Variants in STAT4 observed in about 807,000 individuals in gnomAD.
STAT4 encodes the protein signal transducer and activator of transcription 4.
In STAT4, 42 loss-of-function variants were observed where a neutral mutation model predicts 110.5. That is an observed-to-expected ratio of 0.38 (90% confidence interval 0.30 to 0.49). STAT4 has a LOEUF of 0.49. Among genes scored for constraint, STAT4 ranks in the 20% least tolerant of loss-of-function variants. STAT4 has a pLI of 0.95. For missense variants in STAT4, 632 were observed against 887.9 expected (o/e 0.71, Z 3.66); for synonymous variants, 284 against 302.2 (o/e 0.94, Z 0.63).
rs1697644501 is a variant in STAT4 at position 191,086,688 on chromosome 2, T to C, written c.274-10363A>G. On this transcript the variant is annotated intron_variant, in intron 3 of 23. Transcript: ENST00000392320. This position sits in a 1 kb window ranked among gnomAD's most constrained non-coding sequence, Gnocchi z 5.5. The stretch of plus-strand genomic sequence containing the variant: ...TTTTTAGTATTTGCTACAATTTAGA[T>C]TGAGTTCTGAATTTTTCTCCTGGCT... Among the ~76,000 whole-genome samples the C allele has an allele frequency of 6.6e-6, 1 of 152,170 alleles. No homozygotes were observed. Among genetic ancestry groups the C allele is most frequent in the Non-Finnish European group, 1.5e-5 (1 of 68,018 alleles).
At chr2:191,094,917 C>CTAA in intron 3 of STAT4, among the ~76,000 whole-genome samples, 1 of 77,912 alleles carries the variant, frequency 1.3e-5, no homozygotes, top group South Asian at 5.0e-4. Context: ...AAATGGAAAG[C>CTAA]AAAAAAAAAA....
chr2:191,150,587 G>A lies in STAT4; in HGVS notation c.-2+360C>T, dbSNP rs1559090038. Among the ~76,000 whole-genome samples, 1 of 152,132 alleles carries A rather than the reference G, an allele frequency of 6.6e-6. No individual in the cohort carries two copies. Among genetic ancestry groups the A allele is most frequent in the East Asian group, 1.9e-4 (1 of 5,188 alleles). ...AAGCTTTTTTCTGAAATCCAGGTACGCTAATCTAAAGTCAGACATCACAGC... is the reference window on the plus strand; with the variant it reads ...AAGCTTTTTTCTGAAATCCAGGTACACTAATCTAAAGTCAGACATCACAGC... On this transcript the variant is annotated intron_variant, in intron 1 of 23. Transcript: ENST00000392320. This position sits in a 1 kb window ranked among gnomAD's most constrained non-coding sequence, Gnocchi z 6.4.
In STAT4 at chr2:191,054,249, G is replaced by T. The variant is rs556844867; in HGVS notation, c.1251+241C>A. Among the ~76,000 whole-genome samples the T allele has an allele frequency of 7.2e-5, 11 of 151,806 alleles. No homozygotes were observed. The East Asian group carries it at 1.9e-3, about 27-fold the overall frequency. Reference sequence around the variant, plus strand: ...TAGATAAATAAAAGACTGGAATGATGTATACCAAGATGTTAATAGTTATTT... The same window carrying T: ...TAGATAAATAAAAGACTGGAATGATTTATACCAAGATGTTAATAGTTATTT... On this transcript the variant is annotated intron_variant, in intron 14 of 23. Coordinates refer to ENST00000392320, the MANE Select transcript of STAT4 (RefSeq NM_003151.4).
At chr2:191,148,317 A>C (rs1699507672) in intron 1 of STAT4, 113 bp from the exon 2 acceptor site, 3 of 1,345,632 alleles carry the variant, frequency 2.2e-6, no homozygotes, top group Non-Finnish European at 3.0e-6. Context: ...AATATATCCA[A>C]GGATACAAAA....
chr2:191,051,791 C>A lies in STAT4; in HGVS notation c.1251+2699G>T, dbSNP rs1362686997. Among the ~76,000 whole-genome samples, 2 of 143,748 alleles carry A rather than the reference C, an allele frequency of 1.4e-5. No homozygotes were observed. Among genetic ancestry groups the A allele is most frequent in the South Asian group, 2.2e-4 (1 of 4,566 alleles). 94.3% of individuals were successfully genotyped at this position (143,748 alleles called of 152,430 possible). A position where few individuals can be genotyped will look rare whatever the true frequency, so the allele number is the denominator to read the frequency against. On this transcript the variant is annotated intron_variant, in intron 14 of 23. Coordinates refer to ENST00000392320, the MANE Select transcript of STAT4 (RefSeq NM_003151.4). This position sits in a 1 kb window ranked among gnomAD's most constrained non-coding sequence, Gnocchi z 5.6. ...GGGGCCAGGAGCAGGGACACGGGAT[C>A]AGACTGCCACGGTTTTATCTTGGCC...
At chr2:191,055,365 A>ATT (rs371295889) in intron 13 of STAT4, among the ~76,000 whole-genome samples, 36 of 96,924 alleles carry the variant, frequency 3.7e-4, no homozygotes, top group African/African-American at 1.4e-3. Context: ...AGCCTGGCTA[A>ATT]TTTTTTTTTT....
Position 191,147,751 on chromosome 2 carries a change from GA to G in STAT4, c.128+324del, listed in dbSNP as rs1699494949. Among the ~76,000 whole-genome samples the G allele has an allele frequency of 6.6e-6, 1 of 151,976 alleles. No homozygotes were observed. On this transcript the variant is annotated intron_variant, in intron 2 of 23. Transcript: ENST00000392320. The surrounding 1 kb of genome is among the most constrained non-coding windows in gnomAD (Gnocchi z 4.1). ...CTTTGAAGAGTATAAATCTTACTGA[GA>G]AAAAAATATTGATTTACATTGAGTC...
At chr2:191,129,566 G>A (rs993973275) in intron 3 of STAT4, among the ~76,000 whole-genome samples, 2 of 152,116 alleles carry the variant, frequency 1.3e-5, no homozygotes, top group Non-Finnish European at 2.9e-5. Flanking sequence ...TAAATCCATG[G>A]TAATAGAAAA....
At chr2:191,132,347 T>C (rs1360778843) in intron 3 of STAT4, among the ~76,000 whole-genome samples, 4 of 151,740 alleles carry the variant, frequency 2.6e-5, no homozygotes, top group South Asian at 2.1e-4. Flanking sequence ...TTATAGCAAG[T>C]CAGGGTGTCC....
In STAT4 at chr2:191,031,514, A is replaced by T; in HGVS notation, c.2047T>A (p.Ser683Thr). 1 of 1,612,818 alleles carries T rather than the reference A, an allele frequency of 6.2e-7. No individual in the cohort carries two copies. The highest frequency in any genetic ancestry group is 8.5e-7 in the Non-Finnish European group (1 of 1,179,432). The change falls in exon 22 of 24, where the codon TCA becomes ACA. Residue 683 changes from serine (S) to threonine (T), a missense_variant and splice_region_variant. Ser to Thr is a moderately conservative substitution (Grantham distance 58). Transcript: ENST00000392320. This position sits in a 1 kb window ranked among gnomAD's most constrained non-coding sequence, Gnocchi z 4.8. Reference sequence around the variant, plus strand: ...TTGTCACCCCTTTCTGTTGGTCTTGAAACTGGAAAACAAAAAGGCACAATG... The same window carrying T: ...TTGTCACCCCTTTCTGTTGGTCTTGTAACTGGAAAACAAAAAGGCACAATG... ...KHYSSQPCEV[S>T]RPTERGDKGY... is the part of the protein sequence containing the mutation.
chr2:191,095,642 A>G (rs1485269882), intron 3 of STAT4, among the ~76,000 whole-genome samples: 1 of 152,240 alleles, frequency 6.6e-6, no homozygotes, highest in Non-Finnish European at 1.5e-5. Context: ...ATAGCACTAA[A>G]TGCTCACAAG....
chr2:191,058,604 G>A lies in STAT4; in HGVS notation c.1094+106C>T, dbSNP rs528621863. On this transcript the variant is annotated intron_variant, in intron 11 of 23. Coordinates refer to ENST00000392320, the MANE Select transcript of STAT4 (RefSeq NM_003151.4). This position sits in a 1 kb window ranked among gnomAD's most constrained non-coding sequence, Gnocchi z 4.3. ...GAAGTACATTCATTATATAATGTTAGATAAGTAAATTTAAAAGTTCAAAAT... is the reference window on the plus strand; with the variant it reads ...GAAGTACATTCATTATATAATGTTAAATAAGTAAATTTAAAAGTTCAAAAT... 7.1e-6 allele frequency: 5 copies of A among 702,926 alleles called. No individual in the cohort carries two copies. The highest frequency in any genetic ancestry group is 1.8e-5 in the African/African-American group (1 of 54,264). The allele number at this position is 702,926 out of a possible 1,614,324, so 43.5% of individuals were successfully genotyped here.
At position 191,061,873 on chromosome 2, in the gene STAT4, G is replaced by C. The variant is rs942345305; in HGVS notation, c.942-52C>G. 2.6e-6 allele frequency: 4 copies of C among 1,542,808 alleles called. No homozygotes were observed. Among genetic ancestry groups the C allele is most frequent in the Non-Finnish European group, 3.6e-6 (4 of 1,120,732 alleles). On this transcript the variant is annotated intron_variant, in intron 9 of 23. Coordinates refer to ENST00000392320, the MANE Select transcript of STAT4 (RefSeq NM_003151.4). This position sits in a 1 kb window ranked among gnomAD's most constrained non-coding sequence, Gnocchi z 6.2. ...CATTTGAAAACACTGAAAATATTGA[G>C]ACTGAAAACCACAGAGGAACAGGAT... is the stretch of plus-strand genomic sequence containing the variant.
chr2:191,111,239 C>G (rs1316810373), intron 3 of STAT4, among the ~76,000 whole-genome samples: 2 of 152,108 alleles, frequency 1.3e-5, no homozygotes, highest in African/African-American at 4.8e-5. Flanking sequence ...TATCCTTTTC[C>G]TCTCCTCTAC....
At chr2:191,068,060 C>T (rs1031819784) in intron 6 of STAT4, 5 of 152,096 alleles carry the variant, frequency 3.3e-5, no homozygotes, top group African/African-American at 1.2e-4. Context: ...TTTAGCTAAC[C>T]TTTCCCGTCT....
chr2:191,040,120 G>T (rs186685490), intron 15 of STAT4, among the ~76,000 whole-genome samples: 1 of 152,168 alleles, frequency 6.6e-6, no homozygotes, highest in African/African-American at 2.4e-5. Flanking sequence ...CATATTCAGG[G>T]TGTGTGAGAT....
chr2:191,073,928 T>C (rs1697240196), intron 4 of STAT4, among the ~76,000 whole-genome samples: 1 of 152,186 alleles, frequency 6.6e-6, no homozygotes, highest in South Asian at 2.1e-4. Flanking sequence ...AAAAATTTTG[T>C]CTCTAATTCT....
Position 191,117,396 on chromosome 2 carries a change from T to C in STAT4, c.273+29217A>G, listed in dbSNP as rs1246915490. ...ACACAAATGTAATTTATTGCATGATTATCTTCCAGAACATCCTCGGGCATT... is the reference window on the plus strand; with the variant it reads ...ACACAAATGTAATTTATTGCATGATCATCTTCCAGAACATCCTCGGGCATT... On this transcript the variant is annotated intron_variant, in intron 3 of 23. Coordinates refer to ENST00000392320, the MANE Select transcript of STAT4 (RefSeq NM_003151.4). This position sits in a 1 kb window ranked among gnomAD's most constrained non-coding sequence, Gnocchi z 5.2. 6.6e-6 allele frequency among the ~76,000 whole-genome samples: 1 copy of C among 152,242 alleles called. No homozygotes were observed. Among genetic ancestry groups the C allele is most frequent in the African/African-American group, 2.4e-5 (1 of 41,468 alleles).
At position 191,060,712 on chromosome 2, in the gene STAT4, C is replaced by G. The variant is rs111636605; in HGVS notation, c.1034+1017G>C. ...GGGATTATAGGCGTGAGCCACCATG[C>G]CTGGCCAACAGTGCAATTTAAAAAG... On this transcript the variant is annotated intron_variant, in intron 10 of 23. Transcript: ENST00000392320. This position sits in a 1 kb window ranked among gnomAD's most constrained non-coding sequence, Gnocchi z 4.5. Among the ~76,000 whole-genome samples the G allele has an allele frequency of 1.3e-5, 2 of 152,210 alleles. No homozygotes were observed. Among genetic ancestry groups the G allele is most frequent in the African/African-American group, 4.8e-5 (2 of 41,450 alleles).
Sources: gnomAD v4.1 joint callset for allele counts (sites outside exome capture counted in the v4.1 genomes callset) on GRCh38, gnomAD v4.1.1 for gene constraint, Gnocchi (gnomAD v3.1) non-coding constraint, MANE v1.5 for transcripts, NCBI Gene and HGNC (gene_info 2026-07-23, HGNC 2026-07-21) for gene names.